The following SP6 variants were observed in gnomAD, a reference collection of about 807,000 sequenced individuals.
SP6 encodes the protein Sp6 transcription factor, also known as transcription factor Sp6.
SP6 carries 10 observed loss-of-function variants against 23.4 expected under a neutral mutation model. The observed-to-expected ratio is 0.43, with a 90% CI of 0.26 to 0.72. SP6 has a LOEUF of 0.72. Ranked by LOEUF, SP6 falls within the 30% of genes least tolerant of loss-of-function variation. The probability of loss-of-function intolerance (pLI) is 0.23; values close to 1 mark genes in which losing one functional copy is unlikely to be tolerated. For synonymous variants in SP6, 238 were observed against 238.7 expected, an observed-to-expected ratio of 1.00 and a Z score of 0.03; for missense variants, 482 against 523.8, an observed-to-expected ratio of 0.92 and a Z score of 0.78.
At position 47,847,015 on chromosome 17, in the gene SP6, T is replaced by C; in HGVS notation, c.*284A>G. 2.3e-6 allele frequency: 1 copy of C among 441,300 alleles called. No individual in the cohort carries two copies. Among genetic ancestry groups the C allele is most frequent in the South Asian group, 4.1e-5 (1 of 24,146 alleles). 27.3% of individuals were successfully genotyped at this position (441,300 alleles called of 1,614,324 possible). ...CCGCCAGCCAGCCGCGGTACGGGTG[T>C]CCCACCCCAACCCCCCAGCCCAGGG... On this transcript the variant is annotated 3_prime_UTR_variant, in exon 2 of 2. Transcript: ENST00000536300.
upstream of SP6, among the ~76,000 whole-genome samples, chr17:47,852,852 TA>T (rs1221520285): frequency 2.0e-5 from 3 of 152,126 alleles, no homozygotes; most frequent in Non-Finnish European, 1.5e-5. Context: ...CCTGGGGGCT[TA>T]AAGGAATTGA....
the SP6 span, among the ~76,000 whole-genome samples, chr17:47,861,009 G>T: frequency 6.6e-6 from 1 of 152,248 alleles, no homozygotes; most frequent in South Asian, 2.1e-4. Flanking sequence ...TAGAGAGGAG[G>T]CTGGGTATCA....
chr17:47,866,635 G>A, the SP6 span, among the ~76,000 whole-genome samples: 15,259 of 152,212 alleles, frequency 0.1, 958 homozygotes, highest in South Asian at 0.22. Flanking sequence ...AAGGCTCTGG[G>A]ATCGCATCCG....
At chr17:47,866,138 G>T in the SP6 span, among the ~76,000 whole-genome samples, 1 of 152,250 alleles carries the variant, frequency 6.6e-6, no homozygotes, top group East Asian at 1.9e-4. Context: ...GAAATATAAA[G>T]GTTCCTGTCC....
intron 1 of SP6, among the ~76,000 whole-genome samples, chr17:47,850,285 A>T (rs1364799440): frequency 6.6e-6 from 1 of 152,140 alleles, no homozygotes; most frequent in African/African-American, 2.4e-5. Flanking sequence ...CAGAAACCCA[A>T]AGCGGGGTGA....
At chr17:47,849,499 G>A (rs1472811112) in intron 1 of SP6, among the ~76,000 whole-genome samples, 1 of 152,144 alleles carries the variant, frequency 6.6e-6, no homozygotes, top group African/African-American at 2.4e-5. Flanking sequence ...TCCTAGGCAT[G>A]GATCATTTTT....
chr17:47,861,519 G>A, the SP6 span, among the ~76,000 whole-genome samples: 3 of 152,222 alleles, frequency 2.0e-5, no homozygotes, highest in Admixed American at 1.3e-4. Flanking sequence ...GATCACTTGA[G>A]GTCAGGAGTT....
chr17:47,870,659 C>T, the SP6 span, among the ~76,000 whole-genome samples: 205 of 152,222 alleles, frequency 1.3e-3, 4 homozygotes, highest in Admixed American at 8.8e-3. Flanking sequence ...AAGAACTTCA[C>T]CACCCAAGCA....
At chr17:47,858,124 A>C (rs1012598159), upstream of SP6, among the ~76,000 whole-genome samples, 4 of 147,144 alleles carry the variant, frequency 2.7e-5, no homozygotes, top group Admixed American at 1.3e-4. Context: ...AGCTGCTAAG[A>C]CTCTACTTCC....
the SP6 span, among the ~76,000 whole-genome samples, chr17:47,872,652 T>C: frequency 1.3e-5 from 2 of 152,176 alleles, no homozygotes; most frequent in African/African-American, 4.8e-5. Context: ...GACAGCCCTT[T>C]GCCGGCCCAC....
chr17:47,869,515 T>C, the SP6 span, among the ~76,000 whole-genome samples: 2 of 152,202 alleles, frequency 1.3e-5, no homozygotes, highest in African/African-American at 4.8e-5. Flanking sequence ...CAAAGGGGGA[T>C]AATCCTGATG....
In SP6 at chr17:47,848,570, G is replaced by A. The variant is rs913650925; in HGVS notation, c.-57-84C>T. 5.3e-6 allele frequency: 4 copies of A among 759,598 alleles called. No homozygotes were observed. Among genetic ancestry groups the A allele is most frequent in the Admixed American group, 3.2e-5 (1 of 31,496 alleles). 47.1% of individuals were successfully genotyped at this position (759,598 alleles called of 1,614,324 possible). A position where few individuals can be genotyped will look rare whatever the true frequency, so the allele number is the denominator to read the frequency against. On this transcript the variant is annotated intron_variant, in intron 1 of 1. Coordinates refer to ENST00000536300, the MANE Select transcript of SP6 (RefSeq NM_001258248.2). This position sits in a 1 kb window ranked among gnomAD's most constrained non-coding sequence, Gnocchi z 5.3. Reference sequence around the variant, plus strand: ...ACCCAGGTCCTCCTCTCTGGCCCCAGGTGTAAAAGAAGGATGCACCTCTGA... The same window carrying A: ...ACCCAGGTCCTCCTCTCTGGCCCCAAGTGTAAAAGAAGGATGCACCTCTGA...
chr17:47,866,019 C>T, the SP6 span, among the ~76,000 whole-genome samples: 1,674 of 152,280 alleles, frequency 0.011, 23 homozygotes, highest in Non-Finnish European at 0.019. Flanking sequence ...CATGCTTCAT[C>T]TTTATGCTTC....
the SP6 span, among the ~76,000 whole-genome samples, chr17:47,867,113 G>A: frequency 1.1e-4 from 16 of 151,862 alleles, no homozygotes; most frequent in Admixed American, 1.0e-3. Context: ...GATGACCTCA[G>A]CCAGGCCGTC....
At chr17:47,866,957 G>A in the SP6 span, among the ~76,000 whole-genome samples, 7 of 152,122 alleles carry the variant, frequency 4.6e-5, no homozygotes, top group East Asian at 1.2e-3. Context: ...GTGTCCAGGC[G>A]AAGACTCCTG....
chr17:47,847,876 G>T lies in SP6; in HGVS notation c.554C>A (p.Pro185Gln). Reference protein sequence around the residue: ...PAAGGQHLLGPPDGAKALEVA... With the variant: ...PAAGGQHLLGQPDGAKALEVA... ...TTCCAAGGCCTTAGCCCCGTCGGGC[G>T]GCCCTAGGAGATGCTGCCCTCCGGC... Residue 185 changes from proline to glutamine, a missense_variant, in exon 2 of 2, where the codon CCG becomes CAG. This residue lies in a region of SP6 where 330 missense variants were observed against 332.3 expected (regional missense o/e 0.99). Transcript: ENST00000536300. 6.5e-7 allele frequency: 1 copy of T among 1,541,834 alleles called. No individual in the cohort carries two copies. Among genetic ancestry groups the T allele is most frequent in the East Asian group, 2.4e-5 (1 of 42,536 alleles).
Position 47,850,922 on chromosome 17 carries a change from G to C in SP6, c.-61C>G, listed in dbSNP as rs2033947979. The C allele has an allele frequency of 6.6e-6, 1 of 152,364 alleles. No individual in the cohort carries two copies. The highest frequency in any genetic ancestry group is 1.5e-5 in the Non-Finnish European group (1 of 68,194). The allele number at this position is 152,364 out of a possible 1,614,324, so 9.4% of individuals were successfully genotyped here. ...CCACCCCGACCCGCGCTCCTACCTC[G>C]AGGCTGCGGCGGGCTCCGGGCACGG... On this transcript the variant is annotated 5_prime_UTR_variant, in exon 1 of 2. Transcript: ENST00000536300.
At chr17:47,853,263 C>T (rs539449135), upstream of SP6, among the ~76,000 whole-genome samples, 2 of 152,326 alleles carry the variant, frequency 1.3e-5, no homozygotes, top group Non-Finnish European at 2.9e-5. Flanking sequence ...TGCTCTGGAT[C>T]TTTGTGGCCA....
At position 47,847,729 on chromosome 17, in the gene SP6, A is replaced by G. The variant is rs762725522; in HGVS notation, c.701T>C (p.Leu234Pro). The G allele has an allele frequency of 1.2e-5, 19 of 1,594,722 alleles. No homozygotes were observed. The highest frequency in any genetic ancestry group is 8.6e-7 in the Non-Finnish European group (1 of 1,169,332). ...TGGAGCCCCCAGTCGCTCCGCCTCCAGACAGTTGGGGCAGCGACAGACGGT... is the reference window on the plus strand; with the variant it reads ...TGGAGCCCCCAGTCGCTCCGCCTCCGGACAGTTGGGGCAGCGACAGACGGT... ...GQTVCRCPNC[L>P]EAERLGAPCG... is the part of the protein sequence containing the mutation. Residue 234 changes from leucine (L) to proline (P), a missense_variant, in exon 2 of 2, where the codon CTG becomes CCG. This residue lies in a region of SP6 where 330 missense variants were observed against 332.3 expected (regional missense o/e 0.99). Coordinates refer to ENST00000536300, the MANE Select transcript of SP6 (RefSeq NM_001258248.2).
Sources: gnomAD v4.1 joint callset for allele counts (sites outside exome capture counted in the v4.1 genomes callset) on GRCh38, gnomAD v4.1.1 for gene constraint, gnomAD v4.1.1 regional missense constraint, Gnocchi (gnomAD v3.1) non-coding constraint, MANE v1.5 for transcripts, NCBI Gene and HGNC (gene_info 2026-07-23, HGNC 2026-07-21) for gene names.